Variants in FGF13 observed in about 807,000 individuals in gnomAD.
FGF13 encodes fibroblast growth factor 13, also known as fibroblast growth factor homologous factor 2.
A neutral mutation model predicts 19.5 loss-of-function variants in FGF13; 2 were observed. The observed-to-expected ratio is 0.10, with a 90% confidence interval of 0.04 to 0.32. The LOEUF (loss-of-function observed/expected upper bound fraction) is 0.32, where lower values mean the gene tolerates loss of function less well. Ranked by LOEUF, FGF13 falls within the 10% of genes least tolerant of loss-of-function variation. The pLI, the probability that FGF13 is intolerant of heterozygous loss-of-function variation, is 1.00. For missense variants in FGF13, 113 were observed against 192.7 expected, an observed-to-expected ratio of 0.59 and a Z score of 2.45; for synonymous variants, 72 against 76.9, an observed-to-expected ratio of 0.94 and a Z score of 0.33.
intron 1 of FGF13, among the ~76,000 whole-genome samples, chrX:139,199,496 T>A (rs1469732884): frequency 8.9e-6 from 1 of 112,515 alleles, no homozygotes; most frequent in Non-Finnish European, 1.9e-5. Flanking sequence ...GATTTGGACA[T>A]AAAACAGCAC....
chrX:138,897,665 G>C (rs1246293177), intron 1 of FGF13, among the ~76,000 whole-genome samples: 1 of 111,361 alleles, frequency 9.0e-6, no homozygotes, highest in African/African-American at 3.3e-5. Context: ...GTCCGTCTGA[G>C]GCTGGGCACA....
At chrX:138,944,768 C>T (rs1255206210) in intron 1 of FGF13, among the ~76,000 whole-genome samples, 1 of 111,364 alleles carries the variant, frequency 9.0e-6, no homozygotes, top group Non-Finnish European at 1.9e-5. Flanking sequence ...GATTAAAAAG[C>T]AGGTTCTGTA....
At chrX:138,954,095 C>CGAGACAGA (rs1556309326) in intron 1 of FGF13, among the ~76,000 whole-genome samples, 1 of 94,170 alleles carries the variant, frequency 1.1e-5, no homozygotes, top group East Asian at 3.5e-4. Flanking sequence ...GTAAATTTAA[C>CGAGACAGA]GAGAGAGAGA....
chrX:139,172,197 T>C (rs1212490917), intron 1 of FGF13, among the ~76,000 whole-genome samples: 2 of 112,193 alleles, frequency 1.8e-5, no homozygotes, highest in Non-Finnish European at 3.8e-5. Flanking sequence ...ATATTTGAAA[T>C]GATGTTAAGA....
intron 1 of FGF13, among the ~76,000 whole-genome samples, chrX:138,897,523 A>C (rs2091510545): frequency 8.9e-6 from 1 of 111,741 alleles, no homozygotes; most frequent in South Asian, 3.8e-4. Flanking sequence ...GTTGTTGAGA[A>C]TCTAGAAGAA....
chrX:138,777,229 C>T lies in FGF13; in HGVS notation c.218-68301G>A, dbSNP rs141070039. ...GGGAGCCCTACTAATAATAAGTAGC[C>T]AGGGGAAGCACTCTCCTTCCCTGAC... On this transcript the variant is annotated intron_variant, in intron 3 of 6. Coordinates refer to the FGF13 transcript ENST00000436198. Among the ~76,000 whole-genome samples the T allele has an allele frequency of 5.8e-3, 646 of 111,304 alleles. 3 individuals carry two copies. Among genetic ancestry groups the T allele is most frequent in the African/African-American group, 0.019 (592 of 30,566 alleles).
chrX:139,161,343 T>A (rs1319783252), intron 1 of FGF13, among the ~76,000 whole-genome samples: 1 of 111,667 alleles, frequency 9.0e-6, no homozygotes, highest in African/African-American at 3.3e-5. Flanking sequence ...GGAACATATC[T>A]CAAAATAATA....
chrX:138,784,571 G>C (rs1225994618), intron 3 of FGF13, among the ~76,000 whole-genome samples: 5 of 110,000 alleles, frequency 4.5e-5, no homozygotes, highest in Non-Finnish European at 9.5e-5. Flanking sequence ...CTATCTCATT[G>C]GCCAATCTTA....
At chrX:138,771,664 C>T (rs1025641046) in intron 3 of FGF13, among the ~76,000 whole-genome samples, 6 of 110,097 alleles carry the variant, frequency 5.4e-5, no homozygotes, top group Admixed American at 3.9e-4. Context: ...GAACGCTCTC[C>T]GGTCATTCCC....
At chrX:139,039,884 ATGC>A (rs1183650548) in intron 1 of FGF13, among the ~76,000 whole-genome samples, 4 of 112,030 alleles carry the variant, frequency 3.6e-5, no homozygotes, top group South Asian at 3.7e-4. Context: ...ACCCTTTATA[ATGC>A]AAGGGAAGGT....
intron 1 of FGF13, among the ~76,000 whole-genome samples, chrX:138,972,053 C>G (rs1476440623): frequency 1.4e-4 from 4 of 28,872 alleles, no homozygotes; most frequent in Non-Finnish European, 2.7e-4. Context: ...CACTAGTATT[C>G]TATTGTGTGT....
At chrX:138,854,867 T>G (rs1036232780), downstream of FGF13, among the ~76,000 whole-genome samples, 9 of 111,829 alleles carry the variant, frequency 8.0e-5, no homozygotes, top group Admixed American at 2.9e-4. Context: ...TTGGTGAGCA[T>G]CCACAGCCAA....
intron 1 of FGF13, among the ~76,000 whole-genome samples, chrX:138,968,694 C>T (rs1463342712): frequency 4.5e-5 from 5 of 112,074 alleles, no homozygotes; most frequent in Non-Finnish European, 5.6e-5. Context: ...TGAAAAGATA[C>T]AGAGAAAAGA....
At chrX:138,920,817 G>A (rs1358382871) in intron 1 of FGF13, among the ~76,000 whole-genome samples, 1 of 111,465 alleles carries the variant, frequency 9.0e-6, no homozygotes, top group East Asian at 2.8e-4. Flanking sequence ...GTAGATAAAG[G>A]TTTCAACAGT....
intron 1 of FGF13, among the ~76,000 whole-genome samples, chrX:139,119,368 C>G (rs2083661626): frequency 8.9e-6 from 1 of 112,233 alleles, no homozygotes; most frequent in East Asian, 2.8e-4. Flanking sequence ...TTACTGAGTA[C>G]TAACCATGTG....
chrX:138,680,898 G>A (rs747553458), intron 3 of FGF13, among the ~76,000 whole-genome samples: 12 of 111,111 alleles, frequency 1.1e-4, no homozygotes, highest in Non-Finnish European at 2.1e-4. Flanking sequence ...ATGGCCGAGC[G>A]TGGTGGCTCA....
chrX:138,817,666 A>G (rs1249013853), intron 3 of FGF13, among the ~76,000 whole-genome samples: 1 of 111,894 alleles, frequency 8.9e-6, no homozygotes, highest in Non-Finnish European at 1.9e-5. Context: ...AGACAGCACA[A>G]TGATATGGTT....
chrX:139,008,903 C>G (rs2124370843), intron 1 of FGF13, among the ~76,000 whole-genome samples: 1 of 111,576 alleles, frequency 9.0e-6, no homozygotes, highest in East Asian at 2.8e-4. Context: ...TTAAGCTAAT[C>G]AAGGAGGCAC....
chrX:138,917,460 C>T (rs1488048233), intron 1 of FGF13, among the ~76,000 whole-genome samples: 2 of 111,984 alleles, frequency 1.8e-5, no homozygotes, highest in Non-Finnish European at 3.8e-5. Flanking sequence ...GACTTTCAGC[C>T]TCCAGAAATG....
Sources: gnomAD v4.1 joint callset for allele counts (sites outside exome capture counted in the v4.1 genomes callset) on GRCh38, gnomAD v4.1.1 for gene constraint, MANE v1.5 for transcripts, NCBI Gene and HGNC (gene_info 2026-07-23, HGNC 2026-07-21) for gene names.